OR10Z1: variants seen among roughly 807,000 people sequenced by gnomAD.
OR10Z1 encodes olfactory receptor family 10 subfamily Z member 1, also known as olfactory receptor 10Z1.
For missense variants in OR10Z1, 468 were observed against 371.0 expected, an observed-to-expected ratio of 1.26 and a Z score of -2.15; for synonymous variants, 187 against 151.2, an observed-to-expected ratio of 1.24 and a Z score of -1.74.
rs373851195 is a variant in OR10Z1, at chr1:158,606,981, G to C, written c.543G>C (p.Thr181=). 6.2e-7 allele frequency: 1 copy of C among 1,613,844 alleles called. No homozygotes were observed. The highest frequency in any genetic ancestry group is 8.5e-7 in the Non-Finnish European group (1 of 1,179,894). The change falls in exon 2 of 2, where the codon ACG becomes ACC. Residue 181 remains threonine, a synonymous_variant. Coordinates refer to ENST00000641002, the MANE Select transcript of OR10Z1 (RefSeq NM_001004478.2). Reference sequence around the variant, plus strand: ...AAATCCAGCACTTTTTTTGTGACACGCCACCTGTGCTGAGCCTAGCCTGTG... The same window carrying C: ...AAATCCAGCACTTTTTTTGTGACACCCCACCTGTGCTGAGCCTAGCCTGTG... ...SHEIQHFFCD[T]PPVLSLACGD... is the part of the protein sequence containing the mutation.
chr1:158,607,077 C>T lies in OR10Z1; in HGVS notation c.639C>T (p.Phe213=), dbSNP rs1649073489. The T allele has an allele frequency of 1.2e-5, 19 of 1,614,060 alleles. No individual in the cohort carries two copies. The highest frequency in any genetic ancestry group is 1.6e-5 in the Non-Finnish European group (19 of 1,179,982). ...SLLVLLVSFF[F]ITISYAYILA... ...TGGTCCTCTTGGTCTCCTTCTTCTT[C>T]ATCACCATCTCCTACGCCTACATCT... The change falls in exon 2 of 2, where the codon TTC becomes TTT. Residue 213 remains phenylalanine (F), a synonymous_variant. Transcript: ENST00000641002.
rs1229076536 is a variant in OR10Z1 at position 158,611,274 on chromosome 1, A to G, written c.*3894A>G. 1.9e-6 allele frequency: 3 copies of G among 1,613,686 alleles called. No homozygotes were observed. Among genetic ancestry groups the G allele is most frequent in the Non-Finnish European group, 2.5e-6 (3 of 1,179,716 alleles). On this transcript the variant is annotated 3_prime_UTR_variant, in exon 2 of 2. Coordinates refer to ENST00000641002, the MANE Select transcript of OR10Z1 (RefSeq NM_001004478.2). ...ACGAGGAGCTGCTTATTAGTTGCCA[A>G]AGTAGGAATTGGTGAAGCCAACGTA...
rs1050290380 is a variant in OR10Z1 at position 158,607,490 on chromosome 1, T to A, written c.*110T>A. On this transcript the variant is annotated 3_prime_UTR_variant, in exon 2 of 2. Transcript: ENST00000641002. Reference sequence around the variant, plus strand: ...CAGGCCAAAGCTGTCCTACCCCCAATCTTCTGGGAAAGCCTTATCCTGCCT... The same window carrying A: ...CAGGCCAAAGCTGTCCTACCCCCAAACTTCTGGGAAAGCCTTATCCTGCCT... 6.3e-6 allele frequency: 5 copies of A among 799,266 alleles called. No homozygotes were observed. The Admixed American group carries it at 1.0e-4, about 16-fold the overall frequency. The allele number at this position is 799,266 out of a possible 1,614,324, so 49.5% of individuals were successfully genotyped here. A position where few individuals can be genotyped will look rare whatever the true frequency, so the allele number is the denominator to read the frequency against.
rs1183030308 is a variant in OR10Z1, at chr1:158,606,755, C to T, written c.317C>T (p.Ser106Leu). ...GCTGCCCAGATGTTCTTTTCTGCCT[C>T]ATGGGCCTGTACTAACTGCTTCCTT... The part of the protein sequence containing the change: ...GCAAQMFFSA[S>L]WACTNCFLLA... The change falls in exon 2 of 2, where the codon TCA becomes TTA. Residue 106 changes from serine to leucine, a missense_variant. Ser to Leu is a moderately radical substitution (Grantham distance 145, BLOSUM62 -2). Coordinates refer to ENST00000641002, the MANE Select transcript of OR10Z1 (RefSeq NM_001004478.2). 3.7e-6 allele frequency: 6 copies of T among 1,613,980 alleles called. No individual in the cohort carries two copies.
rs569593253 is a variant in OR10Z1 at position 158,607,647 on chromosome 1, A to T, written c.*267A>T. ...CCTAGATGCCACCCCTAGTTACTGA[A>T]ACCCATTGAGAATTAAAAATTTAAT... On this transcript the variant is annotated 3_prime_UTR_variant, in exon 2 of 2. Transcript: ENST00000641002. 10 of 364,274 alleles carry T rather than the reference A, an allele frequency of 2.7e-5. No individual in the cohort carries two copies. Among genetic ancestry groups the T allele is most frequent in the Admixed American group, 2.5e-4 (6 of 24,050 alleles). 22.6% of individuals were successfully genotyped at this position (364,274 alleles called of 1,614,324 possible). A position where few individuals can be genotyped will look rare whatever the true frequency, so the allele number is the denominator to read the frequency against.
In OR10Z1 at chr1:158,611,547, A is replaced by G. The variant is rs933803451; in HGVS notation, c.*4167A>G. ...CACAATTTTTATCTCATAAATTTAT[A>G]ATTTCTAATGAGTAACTTAACTTTT... On this transcript the variant is annotated 3_prime_UTR_variant, in exon 2 of 2. Transcript: ENST00000641002. The G allele has an allele frequency of 1.4e-6, 1 of 716,780 alleles. No homozygotes were observed. The highest frequency in any genetic ancestry group is 2.9e-5 in the East Asian group (1 of 34,784). The allele number at this position is 716,780 out of a possible 1,614,324, so 44.4% of individuals were successfully genotyped here. A position where few individuals can be genotyped will look rare whatever the true frequency, so the allele number is the denominator to read the frequency against.
Position 158,607,452 on chromosome 1 carries a change from G to A in OR10Z1, c.*72G>A. 1 of 1,198,492 alleles carries A rather than the reference G, an allele frequency of 8.3e-7. No homozygotes were observed. The highest frequency in any genetic ancestry group is 2.3e-5 in the East Asian group (1 of 42,666). The allele number at this position is 1,198,492 out of a possible 1,614,324, so 74.2% of individuals were successfully genotyped here. A position where few individuals can be genotyped will look rare whatever the true frequency, so the allele number is the denominator to read the frequency against. ...CCAAGAACCCAAGCCAAAGGGCCAG[G>A]TATTCAAGGCCTCAGGCCAAAGCTG... On this transcript the variant is annotated 3_prime_UTR_variant, in exon 2 of 2. Transcript: ENST00000641002.
intron 1 of OR10Z1, among the ~76,000 whole-genome samples, chr1:158,606,111 T>A (rs2101735613): frequency 6.6e-6 from 1 of 152,344 alleles, no homozygotes; most frequent in Non-Finnish European, 1.5e-5. Flanking sequence ...TGCATAATTA[T>A]GTGTGAATGC....
rs1364627327 is a variant in OR10Z1 at position 158,610,993 on chromosome 1, A to G, written c.*3613A>G. On this transcript the variant is annotated 3_prime_UTR_variant, in exon 2 of 2. Transcript: ENST00000641002. ...CGTGCAAAACAGAACAAATAAAAAT[A>G]GAAACTTTGACACCCCTCAGCAGTG... is the stretch of plus-strand genomic sequence containing the variant. 7.8e-6 allele frequency: 3 copies of G among 383,894 alleles called. No homozygotes were observed. Among genetic ancestry groups the G allele is most frequent in the Middle Eastern group, 7.5e-4 (1 of 1,332 alleles). The allele number at this position is 383,894 out of a possible 1,614,324, so 23.8% of individuals were successfully genotyped here.
rs1649101275 is a variant in OR10Z1, at chr1:158,607,894, G to A, written c.*514G>A. On this transcript the variant is annotated 3_prime_UTR_variant, in exon 2 of 2. Transcript: ENST00000641002. ...TAAAGCTTTGTTAAATGAACAGGTG[G>A]GTCATTTTTACTCCCACTGGGTGTC... 6.6e-6 allele frequency: 1 copy of A among 152,184 alleles called. No homozygotes were observed. The highest frequency in any genetic ancestry group is 2.1e-4 in the South Asian group (1 of 4,808). 9.4% of individuals were successfully genotyped at this position (152,184 alleles called of 1,614,324 possible).
chr1:158,608,253 T>TC lies in OR10Z1; in HGVS notation c.*874dup, dbSNP rs1649111709. The TC allele has an allele frequency of 1.3e-5, 2 of 152,186 alleles. No homozygotes were observed. Among genetic ancestry groups the TC allele is most frequent in the Middle Eastern group, 3.2e-3 (1 of 316 alleles). The allele number at this position is 152,186 out of a possible 1,614,324, so 9.4% of individuals were successfully genotyped here. ...TCAAATTGGATACTGTTCTTTTGAA[T>TC]CTATTGCAGAACTATCTATTCTGCC... On this transcript the variant is annotated 3_prime_UTR_variant, in exon 2 of 2. Transcript: ENST00000641002.
In OR10Z1 at chr1:158,611,495, G is replaced by C. The variant is rs1649259113; in HGVS notation, c.*4115G>C. The C allele has an allele frequency of 7.6e-7, 1 of 1,321,570 alleles. No individual in the cohort carries two copies. Among genetic ancestry groups the C allele is most frequent in the Non-Finnish European group, 1.1e-6 (1 of 935,252 alleles). The allele number at this position is 1,321,570 out of a possible 1,614,324, so 81.9% of individuals were successfully genotyped here. ...AAATGCAGGAGATGGAGAGTCTCTGGAAGACGCAAGCCCTATTTCTATTAC... is the reference window on the plus strand; with the variant it reads ...AAATGCAGGAGATGGAGAGTCTCTGCAAGACGCAAGCCCTATTTCTATTAC... On this transcript the variant is annotated 3_prime_UTR_variant, in exon 2 of 2. Coordinates refer to ENST00000641002, the MANE Select transcript of OR10Z1 (RefSeq NM_001004478.2).
Position 158,611,344 on chromosome 1 carries a change from G to C in OR10Z1, c.*3964G>C. 1 of 1,613,730 alleles carries C rather than the reference G, an allele frequency of 6.2e-7. No individual in the cohort carries two copies. The highest frequency in any genetic ancestry group is 1.7e-4 in the Middle Eastern group (1 of 6,058). On this transcript the variant is annotated 3_prime_UTR_variant, in exon 2 of 2. Coordinates refer to ENST00000641002, the MANE Select transcript of OR10Z1 (RefSeq NM_001004478.2). Reference sequence around the variant, plus strand: ...CTTCGACCCCGTGGGTCCATATATTGCTGCATATGTGTGGCACAGAATGAC... The same window carrying C: ...CTTCGACCCCGTGGGTCCATATATTCCTGCATATGTGTGGCACAGAATGAC...
chr1:158,605,770 G>T (rs59285836), intron 1 of OR10Z1, among the ~76,000 whole-genome samples: 23,123 of 152,120 alleles, frequency 0.15, 1,788 homozygotes, highest in South Asian at 0.2. Flanking sequence ...CTGGTTCTGT[G>T]TGACTTCAAG....
In OR10Z1 at chr1:158,612,264, C is replaced by T. The variant is rs1266034887; in HGVS notation, c.*4884C>T. The T allele has an allele frequency of 5.9e-6, 1 of 169,178 alleles. No homozygotes were observed. Among genetic ancestry groups the T allele is most frequent in the African/African-American group, 2.4e-5 (1 of 41,542 alleles). The allele number at this position is 169,178 out of a possible 1,614,324, so 10.5% of individuals were successfully genotyped here. A position where few individuals can be genotyped will look rare whatever the true frequency, so the allele number is the denominator to read the frequency against. Reference sequence around the variant, plus strand: ...TGATGAGTTCCTGCACGTCCTTCAACACTCACCCTGTGTTAATCATAGATG... The same window carrying T: ...TGATGAGTTCCTGCACGTCCTTCAATACTCACCCTGTGTTAATCATAGATG... On this transcript the variant is annotated 3_prime_UTR_variant, in exon 2 of 2. Transcript: ENST00000641002.
Position 158,611,461 on chromosome 1 carries a change from T to A in OR10Z1, c.*4081T>A. On this transcript the variant is annotated 3_prime_UTR_variant, in exon 2 of 2. Coordinates refer to ENST00000641002, the MANE Select transcript of OR10Z1 (RefSeq NM_001004478.2). The stretch of plus-strand genomic sequence containing the variant: ...AGCTGGTTCCTTGGGGCTTCCCATA[T>A]TACGCCATAAATGCAGGAGATGGAG... The A allele has an allele frequency of 6.3e-7, 1 of 1,582,296 alleles. No individual in the cohort carries two copies.
At chr1:158,605,920 T>A (rs943542632) in intron 1 of OR10Z1, among the ~76,000 whole-genome samples, 1 of 152,220 alleles carries the variant, frequency 6.6e-6, no homozygotes, top group African/African-American at 2.4e-5. Flanking sequence ...TGATAGTGTA[T>A]GTATAAAGAC....
rs757036989 is a variant in OR10Z1, at chr1:158,607,301, T to G, written c.863T>G (p.Ile288Ser). 2 of 1,613,844 alleles carry G rather than the reference T, an allele frequency of 1.2e-6. No homozygotes were observed. The highest frequency in any genetic ancestry group is 2.2e-5 in the South Asian group (2 of 91,082). Reference sequence around the variant, plus strand: ...GTAGTGACCCCCCTCCTTAATCCCATTGTTTATAGTCTAAGGAATAGGGCT... The same window carrying G: ...GTAGTGACCCCCCTCCTTAATCCCAGTGTTTATAGTCTAAGGAATAGGGCT... ...YTVVTPLLNP[I>S]VYSLRNRAIQ... Residue 288 changes from isoleucine (I) to serine (S), a missense_variant, in exon 2 of 2, where the codon ATT becomes AGT. Transcript: ENST00000641002.
Position 158,606,788 on chromosome 1 carries a change from C to T in OR10Z1, c.350C>T (p.Ala117Val), listed in dbSNP as rs1649062785. Residue 117 changes from alanine to valine, a missense_variant, in exon 2 of 2, where the codon GCC becomes GTC. Ala to Val is a moderately conservative substitution (Grantham distance 64). Transcript: ENST00000641002. ...WACTNCFLLAAMGFDRYVAIC... is the reference protein window; with the variant it reads ...WACTNCFLLAVMGFDRYVAIC... ...TGTACTAACTGCTTCCTTCTGGCTGCCATGGGCTTTGACAGATATGTGGCC... is the reference window on the plus strand; with the variant it reads ...TGTACTAACTGCTTCCTTCTGGCTGTCATGGGCTTTGACAGATATGTGGCC... 1 of 1,614,014 alleles carries T rather than the reference C, an allele frequency of 6.2e-7. No individual in the cohort carries two copies. Among genetic ancestry groups the T allele is most frequent in the Non-Finnish European group, 8.5e-7 (1 of 1,179,966 alleles).
Sources: gnomAD v4.1 joint callset for allele counts (sites outside exome capture counted in the v4.1 genomes callset) on GRCh38, gnomAD v4.1.1 for gene constraint, MANE v1.5 for transcripts, NCBI Gene and HGNC (gene_info 2026-07-23, HGNC 2026-07-21) for gene names.